The following FUT8 variants were observed in gnomAD, a reference collection of about 807,000 sequenced individuals.
The protein encoded by FUT8 is fucosyltransferase 8.
FUT8 carries 29 observed loss-of-function variants against 71.3 expected under a neutral mutation model. The observed-to-expected ratio is 0.41, with a 90% CI of 0.30 to 0.55. The LOEUF is 0.55. Among genes scored for constraint, FUT8 ranks in the 20% least tolerant of loss-of-function variants. FUT8 has a pLI of 0.34. For synonymous variants in FUT8, 254 were observed against 239.3 expected (o/e 1.06, Z -0.57); for missense variants, 544 against 702.1 (o/e 0.77, Z 2.55).
intron 10 of FUT8, among the ~76,000 whole-genome samples, chr14:65,740,602 G>A (rs1896447046): frequency 6.6e-6 from 1 of 151,984 alleles, no homozygotes; most frequent in Non-Finnish European, 1.5e-5. Flanking sequence ...GAGGTCTCAG[G>A]CAACTTACAA....
the FUT8 span, among the ~76,000 whole-genome samples, chr14:65,398,527 A>T: frequency 6.6e-6 from 1 of 152,076 alleles, no homozygotes; most frequent in African/African-American, 2.4e-5. Context: ...CAAGGTCAAG[A>T]GATCAAGACG....
chr14:65,482,599 C>G (rs112347064), intron 2 of FUT8, among the ~76,000 whole-genome samples: 5,250 of 152,198 alleles, frequency 0.034, 124 homozygotes, highest in Non-Finnish European at 0.052. Context: ...TTTCTTGATG[C>G]CACTACCATG....
At chr14:65,509,290 T>TA (rs1162535214) in intron 2 of FUT8, among the ~76,000 whole-genome samples, 3 of 152,186 alleles carry the variant, frequency 2.0e-5, no homozygotes, top group African/African-American at 4.8e-5. Context: ...TGCCTGTTTT[T>TA]ATGCCAGTAC....
chr14:65,470,647 G>A (rs2066128663), intron 2 of FUT8, among the ~76,000 whole-genome samples: 1 of 152,160 alleles, frequency 6.6e-6, no homozygotes, highest in African/African-American at 2.4e-5. Context: ...GGCAGGCTCA[G>A]CAGTCGCCTG....
intron 2 of FUT8, among the ~76,000 whole-genome samples, chr14:65,464,451 A>G (rs1455719552): frequency 1.3e-5 from 2 of 152,082 alleles, no homozygotes; most frequent in Admixed American, 1.3e-4. Flanking sequence ...CTACGGGGAA[A>G]GGATCTGGTT....
intron 7 of FUT8, among the ~76,000 whole-genome samples, chr14:65,676,757 C>A (rs1892736589): frequency 6.6e-6 from 1 of 152,104 alleles, no homozygotes; most frequent in Admixed American, 6.5e-5. Context: ...AAGAAGATTG[C>A]AATCTTTCAG....
Position 65,642,229 on chromosome 14 carries a change from C to T in FUT8, c.597+12623C>T, listed in dbSNP as rs550456660. On this transcript the variant is annotated intron_variant, in intron 6 of 10. Transcript: ENST00000673929. ...CTAAGAATTGAGGTTCATTTTTTTGCATATAGCTATTCAATTGGTCTAGAA... is the reference window on the plus strand; with the variant it reads ...CTAAGAATTGAGGTTCATTTTTTTGTATATAGCTATTCAATTGGTCTAGAA... Among the ~76,000 whole-genome samples, 18 of 152,172 alleles carry T rather than the reference C, an allele frequency of 1.2e-4. No homozygotes were observed. The South Asian group carries it at 3.7e-3, about 32-fold the overall frequency.
At chr14:65,570,250 A>G (rs1886398320) in intron 3 of FUT8, among the ~76,000 whole-genome samples, 1 of 152,048 alleles carries the variant, frequency 6.6e-6, no homozygotes, top group Non-Finnish European at 1.5e-5. Context: ...GCAGTTTCCA[A>G]ATTTTCACAC....
chr14:65,519,617 ATATTC>A (rs2139854509), intron 2 of FUT8, among the ~76,000 whole-genome samples: 1 of 152,284 alleles, frequency 6.6e-6, no homozygotes, highest in Admixed American at 6.5e-5. Context: ...TTTAAACTTA[ATATTC>A]TATCTATAAA....
At chr14:65,370,961 C>T in the FUT8 span, among the ~76,000 whole-genome samples, 208 of 152,212 alleles carry the variant, frequency 1.4e-3, no homozygotes, top group African/African-American at 4.8e-3. Flanking sequence ...AACTGTGGGA[C>T]GCTAAATATA....
chr14:65,419,089 A>G (rs1485045130), intron 1 of FUT8, among the ~76,000 whole-genome samples: 1 of 152,012 alleles, frequency 6.6e-6, no homozygotes, highest in Non-Finnish European at 1.5e-5. Flanking sequence ...TTAGTCGGGC[A>G]TGGTGGCACA....
chr14:65,534,696 T>TTC (rs1214120592), intron 2 of FUT8, among the ~76,000 whole-genome samples: 1 of 152,012 alleles, frequency 6.6e-6, no homozygotes, highest in African/African-American at 2.4e-5. Context: ...TTTCTAGACT[T>TTC]TCTAGTTTTT....
upstream of FUT8, among the ~76,000 whole-genome samples, chr14:65,406,402 C>G (rs962210622): frequency 1.3e-5 from 2 of 152,362 alleles, no homozygotes; most frequent in Middle Eastern, 3.4e-3. Context: ...AATACCATGG[C>G]ACTGGCTTTT....
intron 2 of FUT8, among the ~76,000 whole-genome samples, chr14:65,554,843 A>G (rs1885503215): frequency 6.6e-6 from 1 of 152,066 alleles, no homozygotes; most frequent in Admixed American, 6.6e-5. Flanking sequence ...TATTCTTTGT[A>G]ACTTTTGATA....
At chr14:65,527,375 A>G (rs1201103745) in intron 2 of FUT8, among the ~76,000 whole-genome samples, 6 of 152,258 alleles carry the variant, frequency 3.9e-5, no homozygotes, top group African/African-American at 1.4e-4. Context: ...AAGCTTGTGC[A>G]TGTGTCATGT....
At chr14:65,614,419 A>C (rs1889173946) in intron 3 of FUT8, among the ~76,000 whole-genome samples, 2 of 152,190 alleles carry the variant, frequency 1.3e-5, no homozygotes, top group Non-Finnish European at 2.9e-5. Flanking sequence ...TTAATTTCCT[A>C]TTGCTGCTTT....
chr14:65,587,281 T>A (rs1019697134), intron 3 of FUT8, among the ~76,000 whole-genome samples: 1 of 152,176 alleles, frequency 6.6e-6, no homozygotes, highest in Non-Finnish European at 1.5e-5. Context: ...AGAATTTTTA[T>A]GTATTCAGGA....
At chr14:65,454,261 G>C (rs1022086345) in intron 1 of FUT8, among the ~76,000 whole-genome samples, 4 of 152,150 alleles carry the variant, frequency 2.6e-5, no homozygotes, top group African/African-American at 9.7e-5. Flanking sequence ...TTTAATAATT[G>C]TATGTTTATG....
the FUT8 span, among the ~76,000 whole-genome samples, chr14:65,379,143 G>A: frequency 2.0e-5 from 3 of 151,808 alleles, no homozygotes; most frequent in African/African-American, 4.8e-5. Flanking sequence ...CACCTCTCTC[G>A]GCCAACACAA....
Sources: gnomAD v4.1 joint callset for allele counts (sites outside exome capture counted in the v4.1 genomes callset) on GRCh38, gnomAD v4.1.1 for gene constraint, MANE v1.5 for transcripts, NCBI Gene and HGNC (gene_info 2026-07-23, HGNC 2026-07-21) for gene names.